TGM6: variants seen among roughly 807,000 people sequenced by gnomAD.
TGM6 encodes protein-glutamine gamma-glutamyltransferase 6.
Under a neutral mutation model 77.5 loss-of-function variants are expected in TGM6, and 74 were observed. The ratio of observed to expected loss-of-function variants is 0.96; its 90% confidence interval spans 0.79 to 1.16. The LOEUF (loss-of-function observed/expected upper bound fraction) is 1.16, where lower values mean the gene tolerates loss of function less well. Among genes scored for constraint, TGM6 ranks in the 50% most tolerant of loss-of-function variants. The probability of loss-of-function intolerance (pLI) is 0.00; values close to 1 mark genes in which losing one functional copy is unlikely to be tolerated. For synonymous variants in TGM6, 383 were observed against 378.9 expected (o/e 1.01, Z -0.12); for missense variants, 968 against 940.2 (o/e 1.03, Z -0.39).
chr20:2,394,383 G>A, intron 1 of TGM6, 69 bp from the exon 2 acceptor site: 8 of 1,552,072 alleles, frequency 5.2e-6, no homozygotes, highest in Non-Finnish European at 7.1e-6. Context: ...GAATGAATGG[G>A]AGGACAAGCT....
chr20:2,385,458 C>T (rs143596701), intron 1 of TGM6, among the ~76,000 whole-genome samples: 1 of 152,100 alleles, frequency 6.6e-6, no homozygotes, highest in Non-Finnish European at 1.5e-5. Context: ...AAACCACAGA[C>T]TATCCAAACC....
chr20:2,404,987 T>C (rs1298423996), intron 9 of TGM6, among the ~76,000 whole-genome samples: 2 of 152,188 alleles, frequency 1.3e-5, no homozygotes, highest in Non-Finnish European at 2.9e-5. Flanking sequence ...CAGTTATATA[T>C]CTTAAACAAT....
chr20:2,408,935 TG>T (rs2084768448), intron 9 of TGM6, among the ~76,000 whole-genome samples: 1 of 151,950 alleles, frequency 6.6e-6, no homozygotes, highest in South Asian at 2.1e-4. Flanking sequence ...GTTTAGGGAC[TG>T]GTTGAGAGGA....
Position 2,402,103 on chromosome 20 carries a change from G to A in TGM6, c.990-1294G>A, listed in dbSNP as rs185244330. The stretch of plus-strand genomic sequence containing the variant: ...AAATAAAAATTAAAAAAAATTAGCC[G>A]GGTGTGGTGACACACACCTCCCCAG... On this transcript the variant is annotated intron_variant, in intron 7 of 12. Transcript: ENST00000202625. Among the ~76,000 whole-genome samples, 5 of 151,982 alleles carry A rather than the reference G, an allele frequency of 3.3e-5. 1 individual carries two copies. The South Asian group carries it at 6.2e-4, about 19-fold the overall frequency.
At chr20:2,395,515 G>A (rs1019776822) in intron 3 of TGM6, 79 bp downstream of exon 3, 15 of 1,611,826 alleles carry the variant, frequency 9.3e-6, no homozygotes, top group African/African-American at 2.7e-5. Flanking sequence ...AGGGGGCCTG[G>A]GAGGTGGGTT....
At chr20:2,400,224 G>A in intron 6 of TGM6, 82 bp from the exon 7 acceptor site, 2 of 1,600,110 alleles carry the variant, frequency 1.2e-6, no homozygotes. Context: ...GGCCACAAAT[G>A]AGCCAGGGCG....
chr20:2,382,873 C>T (rs1480239281), intron 1 of TGM6, among the ~76,000 whole-genome samples: 1 of 152,190 alleles, frequency 6.6e-6, no homozygotes, highest in East Asian at 1.9e-4. Context: ...CAACCCAGCT[C>T]TTTAAGTACC....
In TGM6 at chr20:2,400,304, A is replaced by C. The variant is rs748484145; in HGVS notation, c.851-2A>C. The C allele has an allele frequency of 7.4e-6, 12 of 1,614,028 alleles. No homozygotes were observed. Among genetic ancestry groups the C allele is most frequent in the South Asian group, 1.1e-5 (1 of 91,092 alleles). On this transcript the variant is annotated splice_acceptor_variant, in intron 6 of 12. Coordinates refer to ENST00000202625, the MANE Select transcript of TGM6 (RefSeq NM_198994.3). LOFTEE classifies it high-confidence loss of function. The stretch of plus-strand genomic sequence containing the variant: ...CCTGCTCCGAGCCTCTCTGCTCTGC[A>C]GTCCTCAGGTGCTTGGGGATAGCCA...
chr20:2,399,823 C>A, intron 6 of TGM6, 85 bp downstream of exon 6: 1 of 1,220,254 alleles, frequency 8.2e-7, no homozygotes, highest in Non-Finnish European at 1.2e-6. Flanking sequence ...GCATATGCTG[C>A]AACCCATCTT....
intron 7 of TGM6, among the ~76,000 whole-genome samples, chr20:2,400,983 G>A (rs896191149): frequency 4.6e-5 from 7 of 151,826 alleles, no homozygotes; most frequent in African/African-American, 1.2e-4. Flanking sequence ...AGGTTGCAGC[G>A]AGCTGAGATC....
chr20:2,431,590 A>G (rs542810740), intron 12 of TGM6, among the ~76,000 whole-genome samples: 1 of 152,360 alleles, frequency 6.6e-6, no homozygotes, highest in African/African-American at 2.4e-5. Flanking sequence ...GGACAGAAAC[A>G]GTTTTGCCTG....
intron 9 of TGM6, among the ~76,000 whole-genome samples, chr20:2,405,198 C>T (rs1189213568): frequency 1.3e-5 from 2 of 152,178 alleles, no homozygotes; most frequent in Non-Finnish European, 2.9e-5. Context: ...CAGCAACATT[C>T]CCAGAAGGTG....
At position 2,399,658 on chromosome 20, in the gene TGM6, T is replaced by C; in HGVS notation, c.770T>C (p.Ile257Thr). ...CTGCACTGGCGCGGCAGCGTGGCCA[T>C]TCTGCAGAAGTGGCTCAAGGGCAGG... Reference protein sequence around the residue: ...SPLHWRGSVAILQKWLKGRYK... With the variant: ...SPLHWRGSVATLQKWLKGRYK... The change falls in exon 6 of 13, where the codon ATT (isoleucine) becomes ACT (threonine). Residue 257 changes from isoleucine to threonine, a missense_variant. Ile to Thr is a moderately conservative substitution (Grantham distance 89, BLOSUM62 -1). Coordinates refer to ENST00000202625, the MANE Select transcript of TGM6 (RefSeq NM_198994.3). 1 of 1,613,868 alleles carries C rather than the reference T, an allele frequency of 6.2e-7. No homozygotes were observed. Among genetic ancestry groups the C allele is most frequent in the Non-Finnish European group, 8.5e-7 (1 of 1,179,952 alleles).
intron 1 of TGM6, among the ~76,000 whole-genome samples, chr20:2,385,049 G>A (rs1004073958): frequency 3.3e-5 from 5 of 152,192 alleles, no homozygotes; most frequent in African/African-American, 1.2e-4. Context: ...ATTGGGCAGT[G>A]GGTGAGCTAC....
Position 2,432,643 on chromosome 20 carries a change from A to C in TGM6, c.2121A>C (p.Ter707CysextTer6). The change falls in exon 13 of 13, where the codon TGA becomes TGC. Residue 707 changes from the stop codon to cysteine, a stop_lost. Coordinates refer to ENST00000202625, the MANE Select transcript of TGM6 (RefSeq NM_198994.3). ...FVIVHVATAK[*>C] ...TCGTCCATGTGGCCACTGCCAAGTG[A>C]TGGATCATGAGGGACTGAGAGGGGT... The C allele has an allele frequency of 6.2e-7, 1 of 1,614,016 alleles. No homozygotes were observed. Among genetic ancestry groups the C allele is most frequent in the Admixed American group, 1.7e-5 (1 of 60,018 alleles).
At chr20:2,424,398 A>T (rs866757650) in intron 10 of TGM6, among the ~76,000 whole-genome samples, 2 of 152,306 alleles carry the variant, frequency 1.3e-5, no homozygotes, top group Non-Finnish European at 1.5e-5. Context: ...CTTTTATGTT[A>T]TAGAGATGGC....
intron 1 of TGM6, among the ~76,000 whole-genome samples, chr20:2,383,639 T>C (rs1217134813): frequency 6.6e-6 from 1 of 152,164 alleles, no homozygotes; most frequent in African/African-American, 2.4e-5. Context: ...TCCATAGTGA[T>C]GGGATGGATT....
In TGM6 at chr20:2,398,031, G is replaced by T; in HGVS notation, c.657G>T (p.Arg219Ser). ...SCRHNPIYVT[R>S]VISAMVNSNN... The stretch of plus-strand genomic sequence containing the variant: ...GCCACAACCCCATCTACGTCACCAG[G>T]GTCATCAGTGCCATGGTGAGAAGCC... The change falls in exon 5 of 13, where the codon AGG (arginine) becomes AGT (serine). Residue 219 changes from arginine (R) to serine (S), a missense_variant. Arg to Ser is a moderately radical substitution (Grantham distance 110, BLOSUM62 -1). Coordinates refer to ENST00000202625, the MANE Select transcript of TGM6 (RefSeq NM_198994.3). The T allele has an allele frequency of 6.2e-7, 1 of 1,614,044 alleles. No homozygotes were observed. The highest frequency in any genetic ancestry group is 8.5e-7 in the Non-Finnish European group (1 of 1,179,986).
intron 12 of TGM6, among the ~76,000 whole-genome samples, chr20:2,431,500 C>T (rs992788691): frequency 6.6e-6 from 1 of 152,238 alleles, no homozygotes; most frequent in African/African-American, 2.4e-5. Flanking sequence ...TTCTTCCATT[C>T]ATCCACTTGC....
Sources: gnomAD v4.1 joint callset for allele counts (sites outside exome capture counted in the v4.1 genomes callset) on GRCh38, gnomAD v4.1.1 for gene constraint, MANE v1.5 for transcripts, NCBI Gene and HGNC (gene_info 2026-07-23, HGNC 2026-07-21) for gene names.